The following CPSF3 variants were observed in gnomAD, a reference collection of about 807,000 sequenced individuals.
The protein encoded by CPSF3 is cleavage and polyadenylation specific factor 3.
CPSF3 carries 57 observed loss-of-function variants against 84.1 expected under a neutral mutation model. That is an observed-to-expected ratio of 0.68 (90% CI 0.55 to 0.85). CPSF3 has a LOEUF of 0.85. CPSF3 is among the 40% of genes least tolerant of loss of function. The probability of loss-of-function intolerance (pLI) is 0.00; values close to 1 mark genes in which losing one functional copy is unlikely to be tolerated. For missense variants in CPSF3, 522 were observed against 838.8 expected, an observed-to-expected ratio of 0.62 and a Z score of 4.66; for synonymous variants, 275 against 278.1, an observed-to-expected ratio of 0.99 and a Z score of 0.11.
chr2:9,466,209 C>T (rs1343852530), intron 15 of CPSF3, among the ~76,000 whole-genome samples: 8 of 150,206 alleles, frequency 5.3e-5, no homozygotes, highest in African/African-American at 5.0e-5. Context: ...CACACACACG[C>T]GCACACACGC....
At chr2:9,471,193 C>T (rs6731840) in intron 16 of CPSF3, 150 bp from the exon 17 acceptor site, 1 of 451,486 alleles carries the variant, frequency 2.2e-6, no homozygotes, top group Non-Finnish European at 4.1e-6. Flanking sequence ...CAGCCTGGGC[C>T]ACAGAGCAAG....
At chr2:9,434,817 GC>G in intron 6 of CPSF3, among the ~76,000 whole-genome samples, 1 of 152,300 alleles carries the variant, frequency 6.6e-6, no homozygotes, top group East Asian at 1.9e-4. Context: ...AATCTTGCAA[GC>G]TTTTGGTGTA....
rs530434664 is a variant in CPSF3 at position 9,466,398 on chromosome 2, A to G, written c.1787-1309A>G. Among the ~76,000 whole-genome samples the G allele has an allele frequency of 5.0e-4, 72 of 144,500 alleles. 1 individual carries two copies. Among genetic ancestry groups the G allele is most frequent in the African/African-American group, 1.3e-3 (50 of 38,780 alleles). 94.8% of individuals were successfully genotyped at this position (144,500 alleles called of 152,430 possible). On this transcript the variant is annotated intron_variant, in intron 15 of 17. Transcript: ENST00000238112. ...CACGCACTCGCACACACGCGCACAC[A>G]CACGCACGCGCACACACGCACACGC...
chr2:9,446,424 C>CA (rs1401688284), intron 10 of CPSF3, among the ~76,000 whole-genome samples: 2 of 151,746 alleles, frequency 1.3e-5, no homozygotes, highest in Non-Finnish European at 2.9e-5. Context: ...ACTAAAAATA[C>CA]AAAAAAATTA....
intron 12 of CPSF3, among the ~76,000 whole-genome samples, chr2:9,453,340 C>T (rs751856945): frequency 1.1e-4 from 17 of 152,140 alleles, no homozygotes; most frequent in African/African-American, 2.4e-4. Flanking sequence ...CCAGAGAAGC[C>T]GTTTGGTTTT....
chr2:9,443,708 A>C (rs756113140), intron 10 of CPSF3, 47 bp downstream of exon 10: 3 of 1,598,218 alleles, frequency 1.9e-6, no homozygotes, highest in East Asian at 4.5e-5. Flanking sequence ...AAAAAAGTGC[A>C]TACCCAGGAA....
At position 9,470,323 on chromosome 2, in the gene CPSF3, G is replaced by C. The variant is rs912587643; in HGVS notation, c.1857-1020G>C. Among the ~76,000 whole-genome samples, 19 of 152,290 alleles carry C rather than the reference G, an allele frequency of 1.2e-4. No homozygotes were observed. The East Asian group carries it at 3.7e-3, about 29-fold the overall frequency. ...AGCAGTAACTGCCTGAAGATGCAAG[G>C]AGTTGATTCCCACTCCCCACTTCCC... is the stretch of plus-strand genomic sequence containing the variant. On this transcript the variant is annotated intron_variant, in intron 16 of 17. Transcript: ENST00000238112.
At chr2:9,429,628 GT>G (rs1680507061) in intron 2 of CPSF3, among the ~76,000 whole-genome samples, 1 of 152,128 alleles carries the variant, frequency 6.6e-6, no homozygotes, top group African/African-American at 2.4e-5. Flanking sequence ...TGATATCAAA[GT>G]TTTTGAAAAA....
Position 9,461,508 on chromosome 2 carries a change from C to CA in CPSF3, c.1786+1898dup, listed in dbSNP as rs551049488. On this transcript the variant is annotated intron_variant, in intron 15 of 17. Transcript: ENST00000238112. ...TGAAACCCCATCTTTTCTAAAAATGCAAAAAAAATTAGCCAGGGGTGCTGG... is the reference window on the plus strand; with the variant it reads ...TGAAACCCCATCTTTTCTAAAAATGCAAAAAAAAATTAGCCAGGGGTGCTGG... Among the ~76,000 whole-genome samples, 15 of 151,080 alleles carry CA rather than the reference C, an allele frequency of 9.9e-5. No individual in the cohort carries two copies. The South Asian group carries it at 2.1e-3, about 21-fold the overall frequency.
chr2:9,466,225 CACACACACGT>C (rs1681915045), intron 15 of CPSF3, among the ~76,000 whole-genome samples: 1 of 148,922 alleles, frequency 6.7e-6, no homozygotes. Context: ...CACGCACGCA[CACACACACGT>C]GCGCGCACGC....
intron 1 of CPSF3, among the ~76,000 whole-genome samples, chr2:9,426,768 A>T (rs754900984): frequency 1.3e-5 from 2 of 151,696 alleles, no homozygotes; most frequent in Non-Finnish European, 2.9e-5. Flanking sequence ...AGAGAACAAG[A>T]TAGGGACTGA....
chr2:9,434,796 G>A (rs1401512413), intron 6 of CPSF3, among the ~76,000 whole-genome samples: 2 of 152,218 alleles, frequency 1.3e-5, no homozygotes, highest in Admixed American at 1.3e-4. Context: ...AGAGTCAGGG[G>A]TTGGGAGAGA....
chr2:9,439,785 G>A (rs907836365), intron 7 of CPSF3, among the ~76,000 whole-genome samples: 1 of 151,846 alleles, frequency 6.6e-6, no homozygotes, highest in Non-Finnish European at 1.5e-5. Context: ...TCCAGAGTTT[G>A]AGACCAGCCT....
At chr2:9,452,582 G>A (rs1053076447) in intron 11 of CPSF3, among the ~76,000 whole-genome samples, 3 of 152,150 alleles carry the variant, frequency 2.0e-5, no homozygotes, top group South Asian at 2.1e-4. Context: ...GCATGTGTGC[G>A]TTTCACGGGG....
intron 12 of CPSF3, among the ~76,000 whole-genome samples, chr2:9,454,091 A>G (rs1320058768): frequency 1.3e-5 from 2 of 152,058 alleles, no homozygotes; most frequent in Non-Finnish European, 2.9e-5. Context: ...GTACTAATAC[A>G]TTATATGTGC....
At chr2:9,439,149 A>G (rs1007672245) in intron 7 of CPSF3, among the ~76,000 whole-genome samples, 3 of 152,252 alleles carry the variant, frequency 2.0e-5, no homozygotes, top group Non-Finnish European at 4.4e-5. Context: ...TTGTCCTCAT[A>G]TAAAATTATC....
chr2:9,442,781 G>A (rs1399394537), intron 9 of CPSF3, among the ~76,000 whole-genome samples: 1 of 151,958 alleles, frequency 6.6e-6, no homozygotes, highest in African/African-American at 2.4e-5. Flanking sequence ...TGAAACTGGA[G>A]GCGGAGGTTG....
Position 9,448,283 on chromosome 2 carries a change from T to TAG in CPSF3, c.1331_1332dup (p.Val445ArgfsTer11), listed in dbSNP as rs1275330106. The TAG allele has an allele frequency of 6.2e-7, 1 of 1,612,966 alleles. No individual in the cohort carries two copies. Among genetic ancestry groups the TAG allele is most frequent in the South Asian group, 1.1e-5 (1 of 91,010 alleles). On this transcript the variant is annotated frameshift_variant, in exon 11 of 18. Coordinates refer to ENST00000238112, the MANE Select transcript of CPSF3 (RefSeq NM_016207.4). LOFTEE classifies it high-confidence loss of function. ...TATGAAGATAACGATGAAGTTCACATAGAGGTTCATAATCCTCGGAATACA... is the reference window on the plus strand; with the variant it reads ...TATGAAGATAACGATGAAGTTCACATAGAGAGGTTCATAATCCTCGGAATACA...
chr2:9,467,707 G>C lies in CPSF3; in HGVS notation c.1787G>C (p.Gly596Ala), dbSNP rs1682023165. The C allele has an allele frequency of 1.2e-6, 2 of 1,606,230 alleles. No homozygotes were observed. The highest frequency in any genetic ancestry group is 4.5e-5 in the East Asian group (2 of 44,724). Residue 596 changes from glycine to alanine, a missense_variant and splice_region_variant, in exon 16 of 18, where the codon GGT (glycine) becomes GCT (alanine). By Grantham distance (60) the Gly-to-Ala change is moderately conservative. Around this residue, in one of 2 missense-constraint regions of CPSF3, gnomAD observed 193 missense variants for 231.6 expected, o/e 0.83. Transcript: ENST00000238112. ...TCTCTGTCGCTTTTTTTTTTCCCAG[G>C]TGCAGTACAGAAGGTTTCTAAAAAA... The part of the protein sequence containing the change: ...EVQSNPKIRK[G>A]AVQKVSKKLE...
Sources: gnomAD v4.1 joint callset for allele counts (sites outside exome capture counted in the v4.1 genomes callset) on GRCh38, gnomAD v4.1.1 for gene constraint, gnomAD v4.1.1 regional missense constraint, MANE v1.5 for transcripts, NCBI Gene and HGNC (gene_info 2026-07-23, HGNC 2026-07-21) for gene names.